RELN: variants seen among roughly 807,000 people sequenced by gnomAD.
The protein encoded by RELN is reelin.
Under a neutral mutation model 427.6 loss-of-function variants are expected in RELN, and 108 were observed. The observed-to-expected ratio is 0.25, with a 90% CI of 0.22 to 0.30. RELN has a LOEUF of 0.30. Ranked by LOEUF, RELN falls within the 10% of genes least tolerant of loss-of-function variation. The probability of loss-of-function intolerance (pLI) is 1.00; values close to 1 mark genes in which losing one functional copy is unlikely to be tolerated. For synonymous variants in RELN, 1,524 were observed against 1,513.4 expected, an observed-to-expected ratio of 1.01 and a Z score of -0.16; for missense variants, 3,715 against 4,302.8, an observed-to-expected ratio of 0.86 and a Z score of 3.82.
At chr7:103,919,492 TA>T (rs1342255636) in intron 1 of RELN, among the ~76,000 whole-genome samples, 2 of 152,138 alleles carry the variant, frequency 1.3e-5, no homozygotes, top group African/African-American at 2.4e-5. Flanking sequence ...CACTTATCTC[TA>T]CTTGCAGCCC....
chr7:103,876,736 CA>C (rs1415093720), intron 2 of RELN, among the ~76,000 whole-genome samples: 1 of 150,926 alleles, frequency 6.6e-6, no homozygotes, highest in African/African-American at 2.4e-5. Context: ...AATCCTCATT[CA>C]AAATATAAAA....
At chr7:103,668,752 G>A (rs887097651) in intron 11 of RELN, among the ~76,000 whole-genome samples, 16 of 152,058 alleles carry the variant, frequency 1.1e-4, no homozygotes, top group Admixed American at 3.3e-4. Context: ...CTCTCTTGAC[G>A]CATACATGAA....
intron 53 of RELN, among the ~76,000 whole-genome samples, chr7:103,499,093 G>A (rs79540457): frequency 2.6e-4 from 39 of 152,236 alleles, no homozygotes; most frequent in African/African-American, 9.4e-4. Context: ...ACATGGTTAG[G>A]CAGGGACACT....
chr7:103,487,389 GA>G (rs1373220547), intron 60 of RELN, among the ~76,000 whole-genome samples: 1 of 92,930 alleles, frequency 1.1e-5, no homozygotes, highest in African/African-American at 4.8e-5. Context: ...ATGTATCCCA[GA>G]ACTTAAAGTA....
chr7:103,566,939 T>G (rs1472400990), intron 31 of RELN, among the ~76,000 whole-genome samples, 180 bp from the exon 32 acceptor site: 2 of 144,512 alleles, frequency 1.4e-5, no homozygotes, highest in African/African-American at 5.3e-5. Flanking sequence ...TTTGATGGTT[T>G]CTAATGCACT....
intron 1 of RELN, among the ~76,000 whole-genome samples, chr7:103,931,521 C>A (rs189290977): frequency 6.6e-6 from 1 of 152,094 alleles, no homozygotes. Context: ...CTCATTGCAT[C>A]CCCAACACCA....
intron 2 of RELN, among the ~76,000 whole-genome samples, chr7:103,872,017 T>C (rs947641504): frequency 1.2e-4 from 12 of 100,198 alleles, no homozygotes; most frequent in African/African-American, 4.5e-4. Flanking sequence ...TATATGAATA[T>C]ATATATATAT....
chr7:103,702,940 A>C (rs1027195533), intron 8 of RELN, among the ~76,000 whole-genome samples: 2 of 152,216 alleles, frequency 1.3e-5, no homozygotes, highest in Non-Finnish European at 2.9e-5. Context: ...CAGTAGGCTA[A>C]AGGTGTACAG....
intron 2 of RELN, among the ~76,000 whole-genome samples, chr7:103,909,492 A>G (rs1432531690): frequency 6.7e-6 from 1 of 149,418 alleles, no homozygotes; most frequent in East Asian, 1.9e-4. Context: ...TATTTAAATA[A>G]TTCACTCGGG....
At chr7:103,964,937 T>C (rs745505938) in intron 1 of RELN, among the ~76,000 whole-genome samples, 4 of 152,210 alleles carry the variant, frequency 2.6e-5, no homozygotes, top group Non-Finnish European at 5.9e-5. Flanking sequence ...ACCTACTGTT[T>C]CTGAACTTCT....
intron 2 of RELN, among the ~76,000 whole-genome samples, chr7:103,849,489 T>C (rs1486694455): frequency 6.6e-6 from 1 of 152,234 alleles, no homozygotes; most frequent in Non-Finnish European, 1.5e-5. Context: ...TTTCTCATTC[T>C]ACTGATACTC....
intron 11 of RELN, among the ~76,000 whole-genome samples, chr7:103,666,708 A>T (rs1833275404): frequency 6.6e-6 from 1 of 152,046 alleles, no homozygotes; most frequent in Non-Finnish European, 1.5e-5. Flanking sequence ...CTGGTCCTGA[A>T]TTTCTTTTTA....
intron 9 of RELN, among the ~76,000 whole-genome samples, chr7:103,698,590 C>T (rs1005478736): frequency 2.0e-5 from 3 of 152,060 alleles, no homozygotes; most frequent in African/African-American, 4.8e-5. Flanking sequence ...CACAGATCAC[C>T]GTAACCTTGA....
At chr7:103,872,026 A>ATTTT (rs201501048) in intron 2 of RELN, among the ~76,000 whole-genome samples, 1 of 88,110 alleles carries the variant, frequency 1.1e-5, no homozygotes, top group African/African-American at 4.0e-5. Flanking sequence ...ATATATATAT[A>ATTTT]TATATTTTTC....
At chr7:103,966,930 G>C (rs576787816) in intron 1 of RELN, among the ~76,000 whole-genome samples, 11 of 152,244 alleles carry the variant, frequency 7.2e-5, no homozygotes, top group African/African-American at 2.6e-4. Flanking sequence ...AGATGTTGGG[G>C]TCACTGATGA....
intron 9 of RELN, among the ~76,000 whole-genome samples, chr7:103,700,499 C>CT (rs2115793764): frequency 6.6e-6 from 1 of 152,152 alleles, no homozygotes; most frequent in East Asian, 1.9e-4. Context: ...GTAAAAGGCC[C>CT]TGTGGCTATT....
intron 2 of RELN, among the ~76,000 whole-genome samples, chr7:103,916,394 A>C (rs2116668383): frequency 6.6e-6 from 1 of 152,260 alleles, no homozygotes; most frequent in African/African-American, 2.4e-5. Context: ...ACATAAACTG[A>C]TATATTAAGT....
In RELN at chr7:103,551,178, T is replaced by C. The variant is rs751995246; in HGVS notation, c.6191A>G (p.His2064Arg). The change falls in exon 41 of 65, where the codon CAC (histidine) becomes CGC (arginine). Residue 2064 changes from histidine (H) to arginine (R), a missense_variant. Physicochemically the swap from His to Arg is conservative, Grantham distance 29. This residue lies in a region of RELN where 1,310 missense variants were observed against 1,643.0 expected (regional missense o/e 0.80). Coordinates refer to ENST00000428762, the MANE Select transcript of RELN (RefSeq NM_005045.4). ...CTCGGTGGAGCATAAAGAGCTGACGTGGCTGCTGCTGTGGTAGCAGAGGGG... is the reference window on the plus strand; with the variant it reads ...CTCGGTGGAGCATAAAGAGCTGACGCGGCTGCTGCTGTGGTAGCAGAGGGG... The part of the protein sequence containing the change: ...LLPLCYHSSS[H>R]VSSLCSTEHH... 1 of 1,613,982 alleles carries C rather than the reference T, an allele frequency of 6.2e-7. No homozygotes were observed. Among genetic ancestry groups the C allele is most frequent in the South Asian group, 1.1e-5 (1 of 91,066 alleles).
At chr7:103,638,834 A>G (rs1050005760) in intron 17 of RELN, among the ~76,000 whole-genome samples, 4 of 152,246 alleles carry the variant, frequency 2.6e-5, no homozygotes, top group Admixed American at 2.0e-4. Flanking sequence ...TGTATCCACC[A>G]TGGGTGGCAT....
Sources: allele counts gnomAD v4.1 joint callset (sites outside exome capture counted in the v4.1 genomes callset), GRCh38; gene constraint gnomAD v4.1.1; regional missense constraint gnomAD v4.1.1; transcripts MANE v1.5; gene names NCBI Gene and HGNC (gene_info 2026-07-23, HGNC 2026-07-21).